TAFA2: variants seen among roughly 807,000 people sequenced by gnomAD.
TAFA2 encodes chemokine-like protein TAFA-2.
Under a neutral mutation model 18.8 loss-of-function variants are expected in TAFA2, and 7 were observed. The observed-to-expected ratio is 0.37, with a 90% CI of 0.21 to 0.70. The LOEUF (loss-of-function observed/expected upper bound fraction) is 0.70. Ranked by LOEUF, TAFA2 falls within the 30% of genes least tolerant of loss-of-function variation. TAFA2 has a pLI of 0.53. For missense variants in TAFA2, 122 were observed against 158.1 expected (o/e 0.77, Z 1.23); for synonymous variants, 60 against 54.2 (o/e 1.11, Z -0.47).
intron 1 of TAFA2, chr12:61,890,344 T>C (rs1875575577): frequency 6.6e-6 from 1 of 152,196 alleles, no homozygotes; most frequent in African/African-American, 2.4e-5. Flanking sequence ...CAAGATACCT[T>C]GTGAAAAATC....
intron 1 of TAFA2, among the ~76,000 whole-genome samples, chr12:62,224,498 G>A (rs2062777912): frequency 6.6e-6 from 1 of 151,740 alleles, no homozygotes; most frequent in African/African-American, 2.4e-5. Context: ...TCTTAATAGG[G>A]GCACTAATCT....
chr12:62,069,257 G>C (rs149754103), intron 1 of TAFA2, among the ~76,000 whole-genome samples: 2 of 152,218 alleles, frequency 1.3e-5, no homozygotes, highest in African/African-American at 4.8e-5. Context: ...TAATGGCATA[G>C]GGGCAGGAAA....
chr12:61,927,175 A>C lies in TAFA2; in HGVS notation c.-1-59749T>G, dbSNP rs80148876. ...GAAATTCTGGGCAGGGCAATCAGGC[A>C]ACAGAAAGAAATAAAGCGTATTCAA... On this transcript the variant is annotated intron_variant, in intron 1 of 4. Coordinates refer to ENST00000416284, the MANE Select transcript of TAFA2 (RefSeq NM_178539.5). Among the ~76,000 whole-genome samples, 1,230 of 152,208 alleles carry C rather than the reference A, an allele frequency of 8.1e-3. 17 individuals carry two copies. The highest frequency in any genetic ancestry group is 0.028 in the African/African-American group (1,181 of 41,514).
intron 2 of TAFA2, among the ~76,000 whole-genome samples, chr12:61,850,427 T>C (rs1436244483): frequency 1.3e-5 from 2 of 152,010 alleles, no homozygotes; most frequent in Non-Finnish European, 2.9e-5. Context: ...ATGCTTGTTA[T>C]CTGTACAGTA....
At chr12:62,088,614 T>TAAAAAAA (rs139428735) in intron 1 of TAFA2, among the ~76,000 whole-genome samples, 1 of 104,472 alleles carries the variant, frequency 9.6e-6, no homozygotes. Context: ...TGGACCACAT[T>TAAAAAAA]AAAAAAAAAA....
chr12:62,106,549 A>G (rs141735954), intron 1 of TAFA2, among the ~76,000 whole-genome samples: 13 of 152,248 alleles, frequency 8.5e-5, no homozygotes, highest in East Asian at 5.8e-4. Flanking sequence ...AATTCTGTCA[A>G]TTCTAAAATC....
At chr12:62,036,228 C>T (rs1231289480) in intron 1 of TAFA2, among the ~76,000 whole-genome samples, 6 of 152,188 alleles carry the variant, frequency 3.9e-5, no homozygotes, top group African/African-American at 1.4e-4. Context: ...CACTACTATA[C>T]AGCCTTATAG....
At chr12:61,941,517 A>G (rs1220803636) in intron 1 of TAFA2, among the ~76,000 whole-genome samples, 2 of 152,160 alleles carry the variant, frequency 1.3e-5, no homozygotes, top group South Asian at 4.1e-4. Context: ...AAGACGGGTG[A>G]TTTCTGCATT....
intron 4 of TAFA2, 82 bp downstream of exon 4, chr12:61,753,540 C>G: frequency 7.9e-7 from 1 of 1,263,512 alleles, no homozygotes; most frequent in Non-Finnish European, 1.1e-6. Context: ...TCCACAATTG[C>G]CACTTAAATT....
chr12:62,087,501 G>T (rs554631269), intron 1 of TAFA2, among the ~76,000 whole-genome samples: 2 of 152,190 alleles, frequency 1.3e-5, no homozygotes, highest in African/African-American at 4.8e-5. Flanking sequence ...AGACCTGGGG[G>T]ACAAGCATTT....
chr12:61,924,290 G>T (rs1301391328), intron 1 of TAFA2, among the ~76,000 whole-genome samples: 1 of 152,164 alleles, frequency 6.6e-6, no homozygotes, highest in African/African-American at 2.4e-5. Flanking sequence ...GTAATCGTCA[G>T]ATTCTCCAAG....
chr12:62,171,147 CATT>C lies in TAFA2; in HGVS notation c.-2+20109_-2+20111del, dbSNP rs142267647. 4.7e-4 allele frequency among the ~76,000 whole-genome samples: 71 copies of C among 151,820 alleles called. 1 individual carries two copies. The East Asian group carries it at 7.1e-3, about 15-fold the overall frequency. The stretch of plus-strand genomic sequence containing the variant: ...GTTGTTATTATTTTAGTATAATCCC[CATT>C]ATTATTATTATTATTAACATTTTAT... On this transcript the variant is annotated intron_variant, in intron 1 of 4. Coordinates refer to ENST00000416284, the MANE Select transcript of TAFA2 (RefSeq NM_178539.5).
chr12:61,997,165 A>ATG (rs1280241925), intron 1 of TAFA2, among the ~76,000 whole-genome samples: 327 of 83,766 alleles, frequency 3.9e-3, no homozygotes, highest in African/African-American at 0.014. Context: ...CTATATGTAT[A>ATG]TATGTGTGTG....
intron 1 of TAFA2, among the ~76,000 whole-genome samples, chr12:61,957,017 A>C (rs1878718858): frequency 6.6e-6 from 1 of 152,160 alleles, no homozygotes; most frequent in Admixed American, 6.6e-5. Context: ...ATACTCCTAC[A>C]AAATATGTAG....
intron 1 of TAFA2, among the ~76,000 whole-genome samples, chr12:62,224,834 C>G (rs184096342): frequency 2.6e-5 from 4 of 152,084 alleles, no homozygotes; most frequent in African/African-American, 9.7e-5. Flanking sequence ...CAACTGTATA[C>G]TTAAACATTG....
intron 1 of TAFA2, among the ~76,000 whole-genome samples, chr12:61,996,190 G>A (rs562537905): frequency 6.6e-5 from 10 of 152,210 alleles, no homozygotes; most frequent in African/African-American, 2.4e-4. Context: ...ACAGTGCAAA[G>A]TACTGGAGAT....
At chr12:61,838,252 A>C in intron 2 of TAFA2, among the ~76,000 whole-genome samples, 1 of 151,990 alleles carries the variant, frequency 6.6e-6, no homozygotes, top group Admixed American at 6.6e-5. Context: ...TCCAGGCAGC[A>C]TTTCAGTTCT....
intron 4 of TAFA2, among the ~76,000 whole-genome samples, chr12:61,719,750 G>A (rs1349193229): frequency 6.6e-6 from 1 of 152,144 alleles, no homozygotes; most frequent in Admixed American, 6.6e-5. Flanking sequence ...TTACACACCT[G>A]TCTGAATGAA....
At chr12:61,777,183 TG>T (rs1565630337) in intron 2 of TAFA2, among the ~76,000 whole-genome samples, 1 of 151,852 alleles carries the variant, frequency 6.6e-6, no homozygotes, top group East Asian at 1.9e-4. Context: ...GGCAGCCTTC[TG>T]GGGGGAAGCA....
Sources: gnomAD v4.1 joint callset for allele counts (sites outside exome capture counted in the v4.1 genomes callset) on GRCh38, gnomAD v4.1.1 for gene constraint, MANE v1.5 for transcripts, NCBI Gene and HGNC (gene_info 2026-07-23, HGNC 2026-07-21) for gene names.